DLG2: variants seen among roughly 807,000 people sequenced by gnomAD.
DLG2 encodes disks large homolog 2.
DLG2 carries 45 observed loss-of-function variants against 132.5 expected under a neutral mutation model. The ratio of observed to expected loss-of-function variants is 0.34; its 90% confidence interval spans 0.27 to 0.44. The LOEUF (loss-of-function observed/expected upper bound fraction) is 0.44, where lower values mean the gene tolerates loss of function less well. Among genes scored for constraint, DLG2 ranks in the 20% least tolerant of loss-of-function variants. The probability of loss-of-function intolerance (pLI) is 1.00; values close to 1 mark genes in which losing one functional copy is unlikely to be tolerated. For synonymous variants in DLG2, 424 were observed against 419.6 expected (o/e 1.01, Z -0.13); for missense variants, 1,045 against 1,196.9 (o/e 0.87, Z 1.87).
At chr11:84,019,999 A>C (rs1306914309) in intron 11 of DLG2, among the ~76,000 whole-genome samples, 1 of 152,134 alleles carries the variant, frequency 6.6e-6, no homozygotes, top group Non-Finnish European at 1.5e-5. Context: ...AGAAGATGGC[A>C]GATTCTGGAC....
chr11:84,623,190 C>T (rs2099616823), intron 6 of DLG2, among the ~76,000 whole-genome samples: 1 of 152,132 alleles, frequency 6.6e-6, no homozygotes, highest in Non-Finnish European at 1.5e-5. Context: ...TAACTTCATC[C>T]TGAGTTTTCC....
chr11:84,919,298 G>A (rs985913697), intron 6 of DLG2, among the ~76,000 whole-genome samples: 4 of 152,038 alleles, frequency 2.6e-5, no homozygotes, highest in Admixed American at 6.6e-5. Context: ...TTTCACAGAT[G>A]AGAAAAAACT....
At chr11:85,496,524 C>A (rs1163008781) in intron 3 of DLG2, among the ~76,000 whole-genome samples, 2 of 152,158 alleles carry the variant, frequency 1.3e-5, no homozygotes, top group African/African-American at 2.4e-5. Flanking sequence ...AACAGCTTCC[C>A]CATACTTAAA....
chr11:83,618,194 A>G (rs973109368), intron 19 of DLG2, among the ~76,000 whole-genome samples: 2 of 152,180 alleles, frequency 1.3e-5, no homozygotes, highest in Admixed American at 1.3e-4. Context: ...CATTTCTGTA[A>G]TAAATTCCAG....
rs1441546957 is a variant in DLG2, at chr11:85,238,253, ATTTATTTT to A, written c.186+46959_186+46966del. 1.6e-4 allele frequency among the ~76,000 whole-genome samples: 20 copies of A among 122,730 alleles called. No homozygotes were observed. The South Asian group carries it at 3.8e-3, about 23-fold the overall frequency. 80.5% of individuals were successfully genotyped at this position (122,730 alleles called of 152,430 possible). ...TATTTATTTATTTATTTATTTATTTATTTATTTTGAGACAGAGTCTTGCTTTGTTGCCC... is the reference window on the plus strand; with the variant it reads ...TATTTATTTATTTATTTATTTATTTAGAGACAGAGTCTTGCTTTGTTGCCC... On this transcript the variant is annotated intron_variant, in intron 4 of 27. Coordinates refer to ENST00000376104, the MANE Select transcript of DLG2 (RefSeq NM_001142699.3).
intron 14 of DLG2, 150 bp downstream of exon 14, chr11:83,962,735 G>A: frequency 4.4e-6 from 4 of 901,468 alleles, no homozygotes; most frequent in Non-Finnish European, 6.8e-6. Flanking sequence ...CAATGACACA[G>A]TTGCAATGCA....
intron 6 of DLG2, chr11:84,545,246 C>T: frequency 2.1e-6 from 1 of 480,108 alleles, no homozygotes; most frequent in Admixed American, 2.2e-5. Context: ...GAGCTTCTGC[C>T]TCCTAAGGTT....
At chr11:84,194,807 G>A (rs183348953) in intron 8 of DLG2, among the ~76,000 whole-genome samples, 84 of 152,264 alleles carry the variant, frequency 5.5e-4, no homozygotes, top group Admixed American at 1.2e-3. Context: ...CACACCCTGC[G>A]CCCACACTCC....
intron 19 of DLG2, among the ~76,000 whole-genome samples, chr11:83,614,157 G>A (rs2060478391): frequency 6.6e-6 from 1 of 152,166 alleles, no homozygotes; most frequent in African/African-American, 2.4e-5. Context: ...GGGAGGTGGA[G>A]TTGGAGGTTC....
At position 84,279,600 on chromosome 11, in the gene DLG2, C is replaced by T. The variant is rs182370847; in HGVS notation, c.520-28309G>A. Among the ~76,000 whole-genome samples the T allele has an allele frequency of 2.0e-4, 30 of 152,306 alleles. 1 individual carries two copies. In the East Asian group the frequency reaches 4.6e-3, roughly 23 times the overall value. ...TAGACTGGATAAAGAAAATGTGGCA[C>T]ATATACACCATGGAATACTATGCAG... On this transcript the variant is annotated intron_variant, in intron 7 of 27. Transcript: ENST00000376104.
At chr11:84,919,180 A>C (rs1333926933) in intron 6 of DLG2, among the ~76,000 whole-genome samples, 2 of 152,120 alleles carry the variant, frequency 1.3e-5, no homozygotes, top group Non-Finnish European at 2.9e-5. Context: ...TTTCTCAATG[A>C]TGAGTTAATT....
chr11:83,983,607 T>C (rs1162587435), intron 11 of DLG2, among the ~76,000 whole-genome samples: 1 of 152,014 alleles, frequency 6.6e-6, no homozygotes, highest in Non-Finnish European at 1.5e-5. Flanking sequence ...TTAACCATAA[T>C]AGTTGTTAAA....
chr11:83,757,269 G>A (rs911224145), intron 18 of DLG2, among the ~76,000 whole-genome samples: 1 of 152,200 alleles, frequency 6.6e-6, no homozygotes, highest in East Asian at 1.9e-4. Flanking sequence ...GGGCTCTTCT[G>A]CTTTTTGATA....
At chr11:84,282,696 G>A (rs978173718) in intron 7 of DLG2, among the ~76,000 whole-genome samples, 1 of 152,142 alleles carries the variant, frequency 6.6e-6, no homozygotes, top group African/African-American at 2.4e-5. Flanking sequence ...CAGCAGGAAG[G>A]GAGGCAGAGG....
chr11:84,268,107 T>C (rs2097667251), intron 7 of DLG2, among the ~76,000 whole-genome samples: 1 of 152,242 alleles, frequency 6.6e-6, no homozygotes, highest in Admixed American at 6.5e-5. Flanking sequence ...TACTGCTCTT[T>C]CTTGCCTTAG....
chr11:84,823,060 T>C (rs1194352568), intron 6 of DLG2, among the ~76,000 whole-genome samples: 1 of 151,902 alleles, frequency 6.6e-6, no homozygotes, highest in Non-Finnish European at 1.5e-5. Flanking sequence ...TGCATGTATG[T>C]AAAACATCTT....
chr11:85,355,554 A>C (rs558402348), intron 3 of DLG2, among the ~76,000 whole-genome samples: 115 of 152,310 alleles, frequency 7.6e-4, no homozygotes, highest in African/African-American at 2.7e-3. Context: ...TTCTCATAAC[A>C]GCTTTGTTGC....
chr11:83,803,269 G>T (rs1159770192), intron 17 of DLG2, among the ~76,000 whole-genome samples: 1 of 152,096 alleles, frequency 6.6e-6, no homozygotes, highest in Non-Finnish European at 1.5e-5. Flanking sequence ...TCTAACAGTA[G>T]TTCTCAACTG....
chr11:84,868,651 T>C (rs2084997597), intron 6 of DLG2, among the ~76,000 whole-genome samples: 1 of 151,990 alleles, frequency 6.6e-6, no homozygotes, highest in Admixed American at 6.5e-5. Flanking sequence ...GGCAGGAACT[T>C]CTCAGTCTCA....
Sources: gnomAD v4.1 joint callset for allele counts (sites outside exome capture counted in the v4.1 genomes callset) on GRCh38, gnomAD v4.1.1 for gene constraint, MANE v1.5 for transcripts, NCBI Gene and HGNC (gene_info 2026-07-23, HGNC 2026-07-21) for gene names.